JMJD1C: variants seen among roughly 807,000 people sequenced by gnomAD.
JMJD1C encodes the protein jumonji domain containing 1C.
A neutral mutation model predicts 245.3 loss-of-function variants in JMJD1C; 31 were observed. The observed-to-expected ratio is 0.13, with a 90% confidence interval of 0.09 to 0.17. The LOEUF (loss-of-function observed/expected upper bound fraction) is 0.17, where lower values mean the gene tolerates loss of function less well. JMJD1C is among the 10% of genes least tolerant of loss of function. The pLI is 1.00. For missense variants in JMJD1C, 2,691 were observed against 3,000.2 expected (o/e 0.90, Z 2.41); for synonymous variants, 1,057 against 1,017.4 (o/e 1.04, Z -0.74).
chr10:63,348,410 C>T (rs370101874), intron 2 of JMJD1C, among the ~76,000 whole-genome samples: 4 of 152,120 alleles, frequency 2.6e-5, no homozygotes, highest in Non-Finnish European at 5.9e-5. Context: ...AACAAGAAAG[C>T]TTTACATAAT....
chr10:63,204,203 T>C (rs1846343817), intron 10 of JMJD1C: 2 of 985,208 alleles, frequency 2.0e-6, no homozygotes, highest in African/African-American at 3.5e-5. Flanking sequence ...AATTAATAGA[T>C]GACATCTAAT....
intron 1 of JMJD1C, among the ~76,000 whole-genome samples, chr10:63,455,717 G>C (rs965120539): frequency 6.6e-6 from 1 of 151,888 alleles, no homozygotes; most frequent in Non-Finnish European, 1.5e-5. Flanking sequence ...AAATAAAACT[G>C]ATAAAATCAG....
intron 1 of JMJD1C, among the ~76,000 whole-genome samples, chr10:63,405,914 A>C (rs1322339328): frequency 6.6e-6 from 1 of 152,172 alleles, no homozygotes. Context: ...CATATATATA[A>C]CAGGAGAGAA....
chr10:63,366,119 G>C (rs964690621), intron 2 of JMJD1C, among the ~76,000 whole-genome samples: 3 of 152,142 alleles, frequency 2.0e-5, no homozygotes, highest in Admixed American at 2.0e-4. Context: ...AGTAATAGCT[G>C]TGACCTCCAG....
At chr10:63,172,287 G>A (rs1013921624) in intron 24 of JMJD1C, among the ~76,000 whole-genome samples, 1 of 152,172 alleles carries the variant, frequency 6.6e-6, no homozygotes, top group Non-Finnish European at 1.5e-5. Flanking sequence ...TAGACATAAA[G>A]TGGATTCCAA....
At chr10:63,202,923 C>A in intron 10 of JMJD1C, 4 of 976,004 alleles carry the variant, frequency 4.1e-6, no homozygotes, top group Non-Finnish European at 4.9e-6. Flanking sequence ...TAAATACAGT[C>A]TATTTCTTTT....
chr10:63,207,239 G>A lies in JMJD1C; in HGVS notation c.4430C>T (p.Thr1477Ile), dbSNP rs760535217. Reference sequence around the variant, plus strand: ...GTGCTTTTTTAAATGGATAAAATCAGTTGTGCCTGAGAACCCAGAACTGGG... The same window carrying A: ...GTGCTTTTTTAAATGGATAAAATCAATTGTGCCTGAGAACCCAGAACTGGG... ...VQPSSGFSGT[T>I]DFIHLKKHKA... is the part of the protein sequence containing the mutation. The change falls in exon 10 of 26, where the codon ACT (threonine) becomes ATT (isoleucine). Residue 1477 changes from threonine (T) to isoleucine (I), a missense_variant. Physicochemically the swap from Thr to Ile is moderately conservative, Grantham distance 89. Transcript: ENST00000399262. 1.2e-6 allele frequency: 2 copies of A among 1,614,096 alleles called. No individual in the cohort carries two copies.
chr10:63,449,765 C>G (rs1334031781), intron 1 of JMJD1C, among the ~76,000 whole-genome samples: 1 of 152,046 alleles, frequency 6.6e-6, no homozygotes, highest in Non-Finnish European at 1.5e-5. Context: ...AGTGCAGACT[C>G]AGTAATGAAA....
At chr10:63,410,908 A>T (rs1189983336) in intron 1 of JMJD1C, among the ~76,000 whole-genome samples, 1 of 152,186 alleles carries the variant, frequency 6.6e-6, no homozygotes, top group African/African-American at 2.4e-5. Context: ...CATTAAAACT[A>T]CTTTTCACTG....
At chr10:63,399,654 T>C (rs1439661557) in intron 1 of JMJD1C, among the ~76,000 whole-genome samples, 1 of 152,142 alleles carries the variant, frequency 6.6e-6, no homozygotes, top group African/African-American at 2.4e-5. Flanking sequence ...ATTCTTTTTG[T>C]ACAAAGGTAT....
intron 1 of JMJD1C, among the ~76,000 whole-genome samples, chr10:63,463,393 C>T (rs1036194839): frequency 6.6e-6 from 1 of 152,252 alleles, no homozygotes; most frequent in Admixed American, 6.5e-5. Context: ...TCTCAAAACT[C>T]CTGCGCTCAA....
chr10:63,501,594 A>G (rs2893924), intron 1 of JMJD1C, among the ~76,000 whole-genome samples: 100,240 of 151,980 alleles, frequency 0.66, 35,983 homozygotes, highest in Non-Finnish European at 0.81. Context: ...TGGCTAACAC[A>G]GTGAAACCCC....
At position 63,220,123 on chromosome 10, in the gene JMJD1C, T is replaced by C. The variant is rs374529439; in HGVS notation, c.448-140A>G. ...TGCAAAAACACAAATTCATGAGTTA[T>C]AGTTCATTGGCAATTGTGTAACAAA... On this transcript the variant is annotated intron_variant, in intron 3 of 25. Coordinates refer to ENST00000399262, the MANE Select transcript of JMJD1C (RefSeq NM_032776.3). 6.6e-4 allele frequency: 350 copies of C among 532,936 alleles called. 7 individuals carry two copies. The South Asian group carries it at 0.011, about 16-fold the overall frequency. 33.0% of individuals were successfully genotyped at this position (532,936 alleles called of 1,614,324 possible). A position where few individuals can be genotyped will look rare whatever the true frequency, so the allele number is the denominator to read the frequency against.
At chr10:63,394,572 C>T (rs2134636629) in intron 1 of JMJD1C, among the ~76,000 whole-genome samples, 2 of 152,284 alleles carry the variant, frequency 1.3e-5, no homozygotes, top group East Asian at 3.9e-4. Context: ...GGGCTGGGCT[C>T]AGTGGCTCAT....
intron 3 of JMJD1C, among the ~76,000 whole-genome samples, chr10:63,256,263 G>A (rs370504593): frequency 3.9e-5 from 6 of 152,012 alleles, no homozygotes; most frequent in Admixed American, 6.6e-5. Flanking sequence ...ATCAAGTTTC[G>A]CAACCAATTT....
intron 1 of JMJD1C, among the ~76,000 whole-genome samples, chr10:63,456,867 T>C (rs552647907): frequency 9.9e-5 from 15 of 152,238 alleles, no homozygotes; most frequent in Admixed American, 9.8e-4. Context: ...CTAAAGAGAA[T>C]TAGATGAACA....
At position 63,465,464 on chromosome 10, in the gene JMJD1C, C is replaced by A. The variant is rs1953165632; in HGVS notation, c.168+31G>T. 5 of 1,564,666 alleles carry A rather than the reference C, an allele frequency of 3.2e-6. No individual in the cohort carries two copies. In the African/African-American group the frequency reaches 4.0e-5, roughly 13 times the overall value. On this transcript the variant is annotated intron_variant, in intron 1 of 25. Transcript: ENST00000399262. ...CTGCGAGAGCCGGGTGCGGGCGCGGCAGGGGAAAAGGGGGGCGCTGACTCT... is the reference window on the plus strand; with the variant it reads ...CTGCGAGAGCCGGGTGCGGGCGCGGAAGGGGAAAAGGGGGGCGCTGACTCT...
rs772948961 is a variant in JMJD1C at position 63,193,121 on chromosome 10, T to C, written c.5893A>G (p.Lys1965Glu). Reference sequence around the variant, plus strand: ...GACTCAGGCATGCACAGAGAAATTTTATTACTGTGATTAAGAACATTCTGT... The same window carrying C: ...GACTCAGGCATGCACAGAGAAATTTCATTACTGTGATTAAGAACATTCTGT... ...VLQNVLNHSN[K>E]ISLCMPESQQ... is the part of the protein sequence containing the mutation. Residue 1965 changes from lysine to glutamate, a missense_variant, in exon 16 of 26, where the codon AAA becomes GAA. Around this residue, in one of 9 missense-constraint regions of JMJD1C, gnomAD observed 275 missense variants for 285.5 expected, o/e 0.96. Coordinates refer to ENST00000399262, the MANE Select transcript of JMJD1C (RefSeq NM_032776.3). The C allele has an allele frequency of 1.2e-6, 2 of 1,613,628 alleles. No individual in the cohort carries two copies. Among genetic ancestry groups the C allele is most frequent in the African/African-American group, 2.7e-5 (2 of 74,940 alleles).
At chr10:63,419,675 G>A (rs1950006241) in intron 1 of JMJD1C, among the ~76,000 whole-genome samples, 1 of 152,012 alleles carries the variant, frequency 6.6e-6, no homozygotes, top group African/African-American at 2.4e-5. Context: ...GGGAGCAAAA[G>A]TAACCCAGAA....
Sources: allele counts gnomAD v4.1 joint callset (sites outside exome capture counted in the v4.1 genomes callset), GRCh38; gene constraint gnomAD v4.1.1; regional missense constraint gnomAD v4.1.1; transcripts MANE v1.5; gene names NCBI Gene and HGNC (gene_info 2026-07-23, HGNC 2026-07-21).